PDE4D: variants seen among roughly 807,000 people sequenced by gnomAD.
The protein encoded by PDE4D is phosphodiesterase 4D.
Under a neutral mutation model 87.4 loss-of-function variants are expected in PDE4D, and 24 were observed. The ratio of observed to expected loss-of-function variants is 0.27; its 90% CI spans 0.20 to 0.39. The LOEUF (loss-of-function observed/expected upper bound fraction) is 0.39, where lower values mean the gene tolerates loss of function less well. Ranked by LOEUF, PDE4D falls within the 10% of genes least tolerant of loss-of-function variation. The probability of loss-of-function intolerance (pLI) is 1.00; values close to 1 mark genes in which losing one functional copy is unlikely to be tolerated. For missense variants in PDE4D, 714 were observed against 1,041.0 expected (o/e 0.69, Z 4.32); for synonymous variants, 384 against 383.2 (o/e 1.00, Z -0.02).
intron 1 of PDE4D, among the ~76,000 whole-genome samples, chr5:59,782,439 C>T (rs1764729717): frequency 6.6e-6 from 1 of 152,154 alleles, no homozygotes; most frequent in African/African-American, 2.4e-5. Context: ...AAGATACTGA[C>T]ATGGAGAGAT....
At chr5:60,289,497 G>C (rs1752702945) in intron 1 of PDE4D, among the ~76,000 whole-genome samples, 1 of 152,000 alleles carries the variant, frequency 6.6e-6, no homozygotes, top group Non-Finnish European at 1.5e-5. Context: ...CAGCCCCAAA[G>C]TAAAGAGTCT....
chr5:59,992,428 A>T (rs139922740), intron 2 of PDE4D, among the ~76,000 whole-genome samples: 111 of 152,318 alleles, frequency 7.3e-4, no homozygotes, highest in African/African-American at 2.5e-3. Context: ...CCTTTCACAT[A>T]TACATGTATC....
chr5:59,376,500 G>A (rs1186278777), intron 1 of PDE4D, among the ~76,000 whole-genome samples: 3 of 151,918 alleles, frequency 2.0e-5, no homozygotes, highest in Non-Finnish European at 4.4e-5. Flanking sequence ...TCTCTACAAG[G>A]AGAACTACAT....
intron 1 of PDE4D, among the ~76,000 whole-genome samples, chr5:59,891,754 C>T (rs1750984927): frequency 6.6e-6 from 1 of 151,082 alleles, no homozygotes; most frequent in Non-Finnish European, 1.5e-5. Context: ...GCTGGATTCC[C>T]TTGTACATAG....
Position 59,514,352 on chromosome 5 carries a change from G to C in PDE4D, c.456-298384C>G, listed in dbSNP as rs544849234. ...GATCTCCTGATTTTGTGATCCACCCGCCTCGGCCTCCCAAAGCACTGGGAT... is the reference window on the plus strand; with the variant it reads ...GATCTCCTGATTTTGTGATCCACCCCCCTCGGCCTCCCAAAGCACTGGGAT... On this transcript the variant is annotated intron_variant, in intron 1 of 14. Transcript: ENST00000340635. 2.6e-5 allele frequency among the ~76,000 whole-genome samples: 4 copies of C among 152,064 alleles called. No homozygotes were observed. In the South Asian group the frequency reaches 8.3e-4, roughly 32 times the overall value.
chr5:59,715,500 C>A (rs532608371), intron 1 of PDE4D, among the ~76,000 whole-genome samples: 1 of 152,262 alleles, frequency 6.6e-6, no homozygotes, highest in Admixed American at 6.5e-5. Context: ...GGTTTCATAC[C>A]GGGTATGGAC....
intron 3 of PDE4D, among the ~76,000 whole-genome samples, chr5:59,912,297 T>C (rs948400568): frequency 2.0e-5 from 3 of 152,214 alleles, no homozygotes; most frequent in Non-Finnish European, 4.4e-5. Context: ...AAGAAAAGAT[T>C]TAAGCTAATT....
At position 59,804,079 on chromosome 5, in the gene PDE4D, T is replaced by C. The variant is rs145991132; in HGVS notation, c.455+89089A>G. Among the ~76,000 whole-genome samples the C allele has an allele frequency of 2.7e-3, 411 of 152,346 alleles. 4 individuals carry two copies. The highest frequency in any genetic ancestry group is 9.5e-3 in the African/African-American group (394 of 41,584). ...TGGGGTACAGTGGGTTTTGTTTACT[T>C]GGACACATTCATTAGTGGTGATTTC... On this transcript the variant is annotated intron_variant, in intron 1 of 14. Coordinates refer to ENST00000340635, the MANE Select transcript of PDE4D (RefSeq NM_001104631.2).
chr5:60,317,770 T>G (rs1304697629), intron 1 of PDE4D, among the ~76,000 whole-genome samples: 1 of 152,232 alleles, frequency 6.6e-6, no homozygotes, highest in Non-Finnish European at 1.5e-5. Context: ...AGGAGCAGGT[T>G]GCTCAGTTTC....
chr5:59,615,517 T>C (rs945328709), intron 1 of PDE4D, among the ~76,000 whole-genome samples: 2 of 152,190 alleles, frequency 1.3e-5, no homozygotes, highest in African/African-American at 2.4e-5. Flanking sequence ...GAGTCAAATA[T>C]GTTTTGCTGA....
At chr5:60,080,445 C>T (rs1474819091) in intron 2 of PDE4D, among the ~76,000 whole-genome samples, 1 of 152,182 alleles carries the variant, frequency 6.6e-6, no homozygotes, top group East Asian at 1.9e-4. Flanking sequence ...GAGAGGGCAT[C>T]CTTGTCTTGT....
chr5:60,454,075 A>G (rs996874723), intron 1 of PDE4D, among the ~76,000 whole-genome samples: 10 of 152,306 alleles, frequency 6.6e-5, no homozygotes, highest in East Asian at 1.9e-4. Context: ...CACTAGAACT[A>G]TATTTTCAGG....
chr5:59,541,696 A>G lies in PDE4D; in HGVS notation c.456-325728T>C, dbSNP rs1371966697. ...ATATATTATCAATGGGATTGATACTATTATCAATGGTTTCCTAAAAGCAGC... is the reference window on the plus strand; with the variant it reads ...ATATATTATCAATGGGATTGATACTGTTATCAATGGTTTCCTAAAAGCAGC... On this transcript the variant is annotated intron_variant, in intron 1 of 14. Transcript: ENST00000340635. Among the ~76,000 whole-genome samples, 4 of 152,234 alleles carry G rather than the reference A, an allele frequency of 2.6e-5. No homozygotes were observed. The East Asian group carries it at 7.7e-4, about 29-fold the overall frequency.
chr5:60,446,764 A>T (rs746525417), intron 1 of PDE4D, among the ~76,000 whole-genome samples: 55 of 152,158 alleles, frequency 3.6e-4, no homozygotes, highest in Non-Finnish European at 6.8e-4. Context: ...CATTAGTCTA[A>T]TGTAACACCT....
chr5:59,725,680 A>G (rs879356093), intron 1 of PDE4D, among the ~76,000 whole-genome samples: 3 of 152,180 alleles, frequency 2.0e-5, no homozygotes, highest in Non-Finnish European at 4.4e-5. Context: ...AAAAGAAGCT[A>G]CCATTTCAGT....
intron 1 of PDE4D, among the ~76,000 whole-genome samples, chr5:59,420,228 T>A (rs1445468201): frequency 1.3e-5 from 2 of 152,182 alleles, no homozygotes; most frequent in African/African-American, 4.8e-5. Flanking sequence ...TCTGTGTAAA[T>A]CTCATTATCC....
intron 2 of PDE4D, among the ~76,000 whole-genome samples, chr5:60,151,707 T>C (rs1427470912): frequency 6.6e-6 from 1 of 152,200 alleles, no homozygotes; most frequent in Non-Finnish European, 1.5e-5. Flanking sequence ...TTTTACTTCT[T>C]TCTTTCTGAT....
intron 1 of PDE4D, among the ~76,000 whole-genome samples, chr5:59,687,692 T>C (rs572458751): frequency 0.013 from 2,050 of 152,268 alleles, 49 homozygotes; most frequent in African/African-American, 0.047. Context: ...AACATCATAA[T>C]GACAGGATCA....
chr5:59,148,754 G>GGTGTGTGTGT (rs3061422), intron 5 of PDE4D, among the ~76,000 whole-genome samples: 1,649 of 145,568 alleles, frequency 0.011, 13 homozygotes, highest in African/African-American at 0.022. Context: ...AATATATAGC[G>GGTGTGTGTGT]GTGTGTGTGT....
Sources: allele counts gnomAD v4.1 joint callset (sites outside exome capture counted in the v4.1 genomes callset), GRCh38; gene constraint gnomAD v4.1.1; transcripts MANE v1.5; gene names NCBI Gene and HGNC (gene_info 2026-07-23, HGNC 2026-07-21).